Variants in NXN observed in about 807,000 individuals in gnomAD.
NXN encodes nucleoredoxin.
Under a neutral mutation model 48.6 loss-of-function variants are expected in NXN, and 16 were observed. The ratio of observed to expected loss-of-function variants is 0.33; its 90% CI spans 0.22 to 0.50. NXN has a LOEUF of 0.50. Among genes scored for constraint, NXN ranks in the 20% least tolerant of loss-of-function variants. NXN has a pLI of 0.98. For synonymous variants in NXN, 281 were observed against 269.6 expected, an observed-to-expected ratio of 1.04 and a Z score of -0.41; for missense variants, 492 against 605.5, an observed-to-expected ratio of 0.81 and a Z score of 1.97.
intron 3 of NXN, 145 bp downstream of exon 3, chr17:823,487 C>G (rs1912928662): frequency 2.5e-6 from 2 of 789,892 alleles, no homozygotes. Flanking sequence ...AAGCACTATT[C>G]AACCAGGCCT....
intron 1 of NXN, among the ~76,000 whole-genome samples, chr17:876,561 T>C (rs192376095): frequency 4.1e-4 from 63 of 152,176 alleles, no homozygotes; most frequent in Admixed American, 1.8e-3. Flanking sequence ...GAAGTAAGAG[T>C]TATGTACTCT....
rs796410705 is a variant in NXN at position 841,407 on chromosome 17, C to A, written c.361-15329G>T. Among the ~76,000 whole-genome samples the A allele has an allele frequency of 4.3e-3, 283 of 65,336 alleles. 7 individuals are homozygous for A. The highest frequency in any genetic ancestry group is 5.9e-3 in the Non-Finnish European group (164 of 27,872). The allele number at this position is 65,336 out of a possible 152,430, so 42.9% of individuals were successfully genotyped here. A position where few individuals can be genotyped will look rare whatever the true frequency, so the allele number is the denominator to read the frequency against. On this transcript the variant is annotated intron_variant, in intron 1 of 7. Coordinates refer to ENST00000336868, the MANE Select transcript of NXN (RefSeq NM_022463.5). Reference sequence around the variant, plus strand: ...GCATCTCACGCCGGCGAGCAGGTCCCCCCTGACCACGGCGCATCTCACACG... The same window carrying A: ...GCATCTCACGCCGGCGAGCAGGTCCACCCTGACCACGGCGCATCTCACACG...
intron 1 of NXN, among the ~76,000 whole-genome samples, chr17:907,413 C>T (rs998375202): frequency 4.6e-5 from 7 of 151,604 alleles, no homozygotes; most frequent in African/African-American, 7.3e-5. Context: ...GATCTCAGCT[C>T]ACTGCAAGCT....
In NXN at chr17:914,958, T is replaced by A. The variant is rs115998793; in HGVS notation, c.360+64361A>T. 7.2e-3 allele frequency among the ~76,000 whole-genome samples: 1,091 copies of A among 152,158 alleles called. 19 individuals are homozygous for A. Among genetic ancestry groups the A allele is most frequent in the African/African-American group, 0.025 (1,047 of 41,516 alleles). On this transcript the variant is annotated intron_variant, in intron 1 of 7. Transcript: ENST00000336868. The stretch of plus-strand genomic sequence containing the variant: ...AAATTTCAGAGTTGATTTTTTTTTT[T>A]AGACAAAGTCTCGCTCGCCAGGCTG...
intron 1 of NXN, among the ~76,000 whole-genome samples, chr17:945,007 G>A (rs1303187680): frequency 6.6e-6 from 1 of 152,072 alleles, no homozygotes; most frequent in Non-Finnish European, 1.5e-5. Flanking sequence ...CCGCAGAGGA[G>A]AATTCTCACA....
chr17:813,203 T>C (rs185998958), intron 5 of NXN, among the ~76,000 whole-genome samples: 9 of 152,364 alleles, frequency 5.9e-5, no homozygotes. Flanking sequence ...GAATGCACAG[T>C]TCCTTCAGAG....
chr17:809,489 G>A (rs1289312862), intron 5 of NXN, among the ~76,000 whole-genome samples: 1 of 152,160 alleles, frequency 6.6e-6, no homozygotes, highest in African/African-American at 2.4e-5. Context: ...GTGGGGGCTG[G>A]GGCAAGGAAG....
intron 1 of NXN, among the ~76,000 whole-genome samples, chr17:936,464 G>A (rs1458521224): frequency 2.0e-5 from 3 of 151,646 alleles, no homozygotes; most frequent in Non-Finnish European, 2.9e-5. Flanking sequence ...CAGTGCACAC[G>A]CCGCGTGCTG....
At chr17:823,078 C>A (rs1342068354) in intron 3 of NXN, among the ~76,000 whole-genome samples, 1 of 133,796 alleles carries the variant, frequency 7.5e-6, no homozygotes, top group African/African-American at 2.9e-5. Context: ...CCAGCCTAGG[C>A]GACAGAGCAA....
At chr17:902,432 C>T (rs2068546178) in intron 1 of NXN, among the ~76,000 whole-genome samples, 1 of 152,150 alleles carries the variant, frequency 6.6e-6, no homozygotes, top group African/African-American at 2.4e-5. Context: ...GAGGCAGAAA[C>T]AGATTTACTA....
At chr17:951,848 C>T (rs112471018) in intron 1 of NXN, among the ~76,000 whole-genome samples, 6,405 of 152,190 alleles carry the variant, frequency 0.042, 217 homozygotes, top group African/African-American at 0.096. Flanking sequence ...GGCAGGAAAG[C>T]AATGAGCTCG....
At chr17:937,804 AT>A (rs1208883762) in intron 1 of NXN, among the ~76,000 whole-genome samples, 1 of 152,216 alleles carries the variant, frequency 6.6e-6, no homozygotes, top group African/African-American at 2.4e-5. Flanking sequence ...GATGATGATT[AT>A]TTTTTAAGGA....
intron 5 of NXN, 170 bp downstream of exon 5, chr17:819,269 T>C (rs1912673143): frequency 1.5e-6 from 1 of 659,212 alleles, no homozygotes; most frequent in Non-Finnish European, 2.7e-6. Context: ...TTTTTAAAAA[T>C]GGCTTAGAAT....
At position 832,717 on chromosome 17, in the gene NXN, GT is replaced by G. The variant is rs1913555104; in HGVS notation, c.361-6640del. On this transcript the variant is annotated intron_variant, in intron 1 of 7. Transcript: ENST00000336868. ...ATCCTCTCTGGATGGGTAAGAAACT[GT>G]AACCTGCATCTTCCCTCCCTCCCTA... Among the ~76,000 whole-genome samples the G allele has an allele frequency of 2.6e-5, 4 of 152,084 alleles. No homozygotes were observed. In the South Asian group the frequency reaches 8.3e-4, roughly 32 times the overall value.
intron 1 of NXN, among the ~76,000 whole-genome samples, chr17:946,922 C>T (rs938351517): frequency 2.6e-5 from 4 of 152,120 alleles, no homozygotes; most frequent in East Asian, 1.9e-4. Context: ...CTGGTTATCA[C>T]GCAGTTCACA....
At chr17:861,717 T>A (rs2068042270) in intron 1 of NXN, among the ~76,000 whole-genome samples, 1 of 151,818 alleles carries the variant, frequency 6.6e-6, no homozygotes, top group Admixed American at 6.6e-5. Flanking sequence ...AAATTTGGGA[T>A]ACGGTAAAAA....
chr17:820,313 T>C (rs371530133), intron 4 of NXN, among the ~76,000 whole-genome samples: 24 of 152,246 alleles, frequency 1.6e-4, no homozygotes, highest in African/African-American at 5.3e-4. Flanking sequence ...TGCTTAAAAC[T>C]TTAAAAAAGG....
At chr17:841,354 C>A (rs998626870) in intron 1 of NXN, among the ~76,000 whole-genome samples, 1 of 152,050 alleles carries the variant, frequency 6.6e-6, no homozygotes, top group African/African-American at 2.4e-5. Context: ...CCTGCCAGGG[C>A]TGGGACCCAG....
rs553167036 is a variant in NXN, at chr17:807,727, G to A, written c.821-2480C>T. Among the ~76,000 whole-genome samples, 131 of 152,344 alleles carry A rather than the reference G, an allele frequency of 8.6e-4. 1 individual carries two copies. The Middle Eastern group carries it at 0.01, about 12-fold the overall frequency. The stretch of plus-strand genomic sequence containing the variant: ...GGGCCCAAGGAAGCCACTCGTGTTC[G>A]GCCCCTGCACGGGGGAAAGCACCCA... On this transcript the variant is annotated intron_variant, in intron 5 of 7. Transcript: ENST00000336868.
Sources: allele counts gnomAD v4.1 joint callset (sites outside exome capture counted in the v4.1 genomes callset), GRCh38; gene constraint gnomAD v4.1.1; transcripts MANE v1.5; gene names NCBI Gene and HGNC (gene_info 2026-07-23, HGNC 2026-07-21).